Variants in ADGRL2 observed in about 807,000 individuals in gnomAD.
The protein encoded by ADGRL2 is calcium-independent alpha-latrotoxin receptor 2.
Under a neutral mutation model 157.4 loss-of-function variants are expected in ADGRL2, and 44 were observed. The observed-to-expected ratio is 0.28, with a 90% CI of 0.22 to 0.36. The LOEUF (loss-of-function observed/expected upper bound fraction) is 0.36, where lower values mean the gene tolerates loss of function less well. ADGRL2 is among the 10% of genes least tolerant of loss of function. The pLI is 1.00. For synonymous variants in ADGRL2, 585 were observed against 624.7 expected, an observed-to-expected ratio of 0.94 and a Z score of 0.95; for missense variants, 1,510 against 1,768.9, an observed-to-expected ratio of 0.85 and a Z score of 2.63.
At chr1:81,612,046 A>G (rs752459416) in intron 3 of ADGRL2, among the ~76,000 whole-genome samples, 3 of 152,170 alleles carry the variant, frequency 2.0e-5, no homozygotes, top group Non-Finnish European at 4.4e-5. Context: ...CCAAATTATG[A>G]GTCAATTAAA....
intron 3 of ADGRL2, among the ~76,000 whole-genome samples, chr1:81,650,447 A>G (rs1467479496): frequency 2.0e-5 from 3 of 151,066 alleles, no homozygotes; most frequent in Non-Finnish European, 2.9e-5. Flanking sequence ...ATGGTGGCAC[A>G]CGCCCATAAT....
At position 81,990,705 on chromosome 1, in the gene ADGRL2, C is replaced by A. The variant is rs759634154; in HGVS notation, c.3970C>A (p.Pro1324Thr). Residue 1324 changes from proline (P) to threonine (T), a missense_variant, in exon 24 of 24, where the codon CCA becomes ACA. Physicochemically the swap from Pro to Thr is conservative, Grantham distance 38. Around this residue, in one of 4 missense-constraint regions of ADGRL2, gnomAD observed 327 missense variants for 310.1 expected, o/e 1.05. Transcript: ENST00000686636. The stretch of plus-strand genomic sequence containing the variant: ...TTCATCTTTAATGCACAGCGACAAC[C>A]CAGGGCTGGAGCTCCATCACAAAGA... ...DASSLMHSDN[P>T]GLELHHKELE... 5 of 1,614,062 alleles carry A rather than the reference C, an allele frequency of 3.1e-6. No homozygotes were observed. In the South Asian group the frequency reaches 5.5e-5, roughly 18 times the overall value.
At chr1:81,764,499 C>T (rs1328699776) in intron 2 of ADGRL2, among the ~76,000 whole-genome samples, 1 of 152,052 alleles carries the variant, frequency 6.6e-6, no homozygotes, top group African/African-American at 2.4e-5. Flanking sequence ...CACATAAATG[C>T]TTCCCAAGTT....
chr1:81,888,744 G>A (rs868656182), intron 2 of ADGRL2, among the ~76,000 whole-genome samples: 42 of 152,138 alleles, frequency 2.8e-4, no homozygotes, highest in African/African-American at 9.2e-4. Flanking sequence ...GAACCACTGC[G>A]CCCGGCCTGC....
chr1:81,875,631 T>G (rs1457224057), intron 2 of ADGRL2, among the ~76,000 whole-genome samples: 3 of 152,200 alleles, frequency 2.0e-5, no homozygotes. Context: ...TTTAAAATAC[T>G]AGTTAAGTGT....
chr1:81,538,419 CATT>C (rs1237587055), intron 2 of ADGRL2, among the ~76,000 whole-genome samples: 1 of 152,246 alleles, frequency 6.6e-6, no homozygotes, highest in African/African-American at 2.4e-5. Context: ...TCATCTTTGT[CATT>C]AGCCAGCAGG....
At chr1:81,674,337 A>T (rs1272776629) in intron 3 of ADGRL2, among the ~76,000 whole-genome samples, 1 of 152,116 alleles carries the variant, frequency 6.6e-6, no homozygotes, top group Admixed American at 6.5e-5. Context: ...TGGTCCTCCT[A>T]GGAGAACTCT....
chr1:81,936,937 A>G lies in ADGRL2; in HGVS notation c.397+100A>G, dbSNP rs751868476. The G allele has an allele frequency of 1.3e-4, 96 of 730,280 alleles. 2 individuals carry two copies. The highest frequency in any genetic ancestry group is 5.7e-4 in the Middle Eastern group (2 of 3,516). The allele number at this position is 730,280 out of a possible 1,614,324, so 45.2% of individuals were successfully genotyped here. On this transcript the variant is annotated intron_variant, in intron 4 of 23. Coordinates refer to ENST00000686636, the MANE Select transcript of ADGRL2 (RefSeq NM_001366006.2). ...AGAAGCATATGTTTATGGCCTACAAAACCATTATGTATGCAGAGCACTAAC... is the reference window on the plus strand; with the variant it reads ...AGAAGCATATGTTTATGGCCTACAAGACCATTATGTATGCAGAGCACTAAC...
At chr1:81,421,716 C>G (rs1315104178) in intron 1 of ADGRL2, among the ~76,000 whole-genome samples, 3 of 150,644 alleles carry the variant, frequency 2.0e-5, no homozygotes, top group African/African-American at 7.3e-5. Flanking sequence ...TTTTTGCCTC[C>G]CCAGAATATA....
intron 4 of ADGRL2, among the ~76,000 whole-genome samples, chr1:81,938,611 GCTGTTAC>G (rs2095343705): frequency 6.6e-6 from 1 of 151,332 alleles, no homozygotes; most frequent in Non-Finnish European, 1.5e-5. Context: ...TAATTAATTT[GCTGTTAC>G]CTTTCTAGAC....
At chr1:81,780,473 T>C (rs1571195026) in intron 2 of ADGRL2, among the ~76,000 whole-genome samples, 1 of 152,270 alleles carries the variant, frequency 6.6e-6, no homozygotes, top group East Asian at 1.9e-4. Flanking sequence ...CATCTACTGA[T>C]GAGCAAATTG....
At chr1:81,810,760 A>G (rs2089763225) in intron 1 of ADGRL2, among the ~76,000 whole-genome samples, 1 of 151,900 alleles carries the variant, frequency 6.6e-6, no homozygotes, top group Admixed American at 6.6e-5. Context: ...ACTGAAAATA[A>G]TACATCTCTC....
At chr1:81,926,661 G>A (rs997427455) in intron 3 of ADGRL2, among the ~76,000 whole-genome samples, 1 of 151,900 alleles carries the variant, frequency 6.6e-6, no homozygotes, top group Non-Finnish European at 1.5e-5. Context: ...ATTTTTTTAA[G>A]TATTACAAAA....
chr1:81,329,084 A>C (rs1331720581), intron 1 of ADGRL2, among the ~76,000 whole-genome samples: 1 of 152,124 alleles, frequency 6.6e-6, no homozygotes, highest in Non-Finnish European at 1.5e-5. Context: ...GAAGAAGTCG[A>C]GTTTTCACGA....
intron 2 of ADGRL2, among the ~76,000 whole-genome samples, chr1:81,464,959 G>T (rs2078022775): frequency 6.8e-6 from 1 of 147,724 alleles, no homozygotes; most frequent in Admixed American, 6.7e-5. Flanking sequence ...AAGAAGAAAA[G>T]AAAAAGGAAT....
At chr1:81,643,589 G>T (rs2147386) in intron 3 of ADGRL2, among the ~76,000 whole-genome samples, 43,968 of 151,998 alleles carry the variant, frequency 0.29, 6,451 homozygotes, top group East Asian at 0.32. Context: ...GATTATAAGC[G>T]TAAGCCACCA....
At chr1:81,328,377 C>T (rs1313740438) in intron 1 of ADGRL2, among the ~76,000 whole-genome samples, 1 of 152,038 alleles carries the variant, frequency 6.6e-6, no homozygotes, top group Non-Finnish European at 1.5e-5. Context: ...CAGGAAACAT[C>T]GAATTGTGCT....
chr1:81,696,784 G>A (rs2083455886), upstream of ADGRL2, among the ~76,000 whole-genome samples: 1 of 152,076 alleles, frequency 6.6e-6, no homozygotes, highest in Non-Finnish European at 1.5e-5. Context: ...ACAAAAAATA[G>A]AGAGGAGTTG....
chr1:81,483,729 G>A (rs1020233750), intron 2 of ADGRL2, among the ~76,000 whole-genome samples: 3 of 152,128 alleles, frequency 2.0e-5, no homozygotes, highest in South Asian at 2.1e-4. Flanking sequence ...TACATTGGAT[G>A]TGACTCTGTG....
Sources: allele counts gnomAD v4.1 joint callset (sites outside exome capture counted in the v4.1 genomes callset), GRCh38; gene constraint gnomAD v4.1.1; regional missense constraint gnomAD v4.1.1; transcripts MANE v1.5; gene names NCBI Gene and HGNC (gene_info 2026-07-23, HGNC 2026-07-21).